The following ITGB5 variants were observed in gnomAD, a reference collection of about 807,000 sequenced individuals.
ITGB5 encodes integrin subunit beta 5.
A neutral mutation model predicts 84.8 loss-of-function variants in ITGB5; 38 were observed. The observed-to-expected ratio is 0.45, with a 90% CI of 0.35 to 0.59. ITGB5 has a LOEUF of 0.59. ITGB5 is among the 20% of genes least tolerant of loss of function. The pLI is 0.01. For missense variants in ITGB5, 905 were observed against 1,034.5 expected, an observed-to-expected ratio of 0.87 and a Z score of 1.72; for synonymous variants, 393 against 414.4, an observed-to-expected ratio of 0.95 and a Z score of 0.63.
intron 12 of ITGB5, 34 bp downstream of exon 12, chr3:124,768,979 A>T: frequency 6.4e-7 from 1 of 1,560,210 alleles, no homozygotes; most frequent in Non-Finnish European, 8.8e-7. Context: ...AAGGAGAAAA[A>T]CCGTGACTGC....
intron 8 of ITGB5, among the ~76,000 whole-genome samples, chr3:124,816,640 G>A (rs961313924): frequency 2.0e-5 from 3 of 152,134 alleles, no homozygotes; most frequent in Non-Finnish European, 2.9e-5. Context: ...CAAGAGCTCT[G>A]CCTGCCGTTT....
chr3:124,799,055 C>T (rs374595244), intron 9 of ITGB5, among the ~76,000 whole-genome samples: 4 of 151,978 alleles, frequency 2.6e-5, no homozygotes, highest in South Asian at 4.2e-4. Flanking sequence ...AGAAGACACT[C>T]GGGGGACCAG....
intron 4 of ITGB5, among the ~76,000 whole-genome samples, chr3:124,842,877 C>T (rs2065028941): frequency 6.6e-6 from 1 of 152,188 alleles, no homozygotes; most frequent in Non-Finnish European, 1.5e-5. Flanking sequence ...TCCATTCCCT[C>T]TCAGGGCTAC....
intron 2 of ITGB5, among the ~76,000 whole-genome samples, chr3:124,873,082 A>G (rs1934134328): frequency 1.3e-5 from 2 of 152,238 alleles, no homozygotes; most frequent in Non-Finnish European, 2.9e-5. Context: ...CATGCCAGCC[A>G]TCTAGATATG....
intron 5 of ITGB5, 106 bp from the exon 6 acceptor site, chr3:124,821,580 A>G: frequency 2.4e-6 from 3 of 1,240,758 alleles, no homozygotes; most frequent in Admixed American, 1.8e-5. Context: ...AATCAGAGGC[A>G]TTCCCCTTGC....
At position 124,762,644 on chromosome 3, in the gene ITGB5, A is replaced by T. The variant is rs1664799259; in HGVS notation, c.*979T>A. ...GAGATGACTTCGTGTGGGAACCACCACTCAACCCTTGCTTGTCTGTACAAT... is the reference window on the plus strand; with the variant it reads ...GAGATGACTTCGTGTGGGAACCACCTCTCAACCCTTGCTTGTCTGTACAAT... On this transcript the variant is annotated 3_prime_UTR_variant, in exon 15 of 15. Coordinates refer to ENST00000296181, the MANE Select transcript of ITGB5 (RefSeq NM_002213.5). The T allele has an allele frequency of 6.6e-6, 1 of 152,100 alleles. No individual in the cohort carries two copies. The highest frequency in any genetic ancestry group is 1.5e-5 in the Non-Finnish European group (1 of 68,030). The allele number at this position is 152,100 out of a possible 1,614,324, so 9.4% of individuals were successfully genotyped here.
chr3:124,787,215 G>A (rs930062689), intron 10 of ITGB5, among the ~76,000 whole-genome samples: 2 of 152,136 alleles, frequency 1.3e-5, no homozygotes, highest in African/African-American at 2.4e-5. Context: ...GGAGTGGGAC[G>A]GTGAGGGGAG....
At chr3:124,840,957 C>A (rs1478588545) in intron 5 of ITGB5, among the ~76,000 whole-genome samples, 2 of 152,228 alleles carry the variant, frequency 1.3e-5, no homozygotes, top group Non-Finnish European at 2.9e-5. Flanking sequence ...AGCCACCACG[C>A]CCGGCCTCAC....
intron 5 of ITGB5, among the ~76,000 whole-genome samples, chr3:124,828,154 G>A (rs115754498): frequency 0.029 from 4,464 of 152,226 alleles, 98 homozygotes; most frequent in South Asian, 0.043. Flanking sequence ...AAAAGTTAAA[G>A]ACCTACCATA....
At chr3:124,830,289 G>T (rs3851349) in intron 5 of ITGB5, among the ~76,000 whole-genome samples, 129,974 of 152,198 alleles carry the variant, frequency 0.85, 55,635 homozygotes, top group East Asian at 0.92. Flanking sequence ...CCCTGGTCTC[G>T]GTCCCACCTG....
At chr3:124,799,309 G>A (rs2064280879) in intron 9 of ITGB5, among the ~76,000 whole-genome samples, 1 of 152,188 alleles carries the variant, frequency 6.6e-6, no homozygotes, top group African/African-American at 2.4e-5. Flanking sequence ...CAGCCCTTTG[G>A]GAGGCTGAGG....
chr3:124,772,781 ATC>A (rs1029730098), intron 11 of ITGB5, among the ~76,000 whole-genome samples: 7 of 152,092 alleles, frequency 4.6e-5, no homozygotes, highest in African/African-American at 1.7e-4. Context: ...GGTCTAGACA[ATC>A]TCTGCATTCA....
intron 1 of ITGB5, among the ~76,000 whole-genome samples, chr3:124,900,309 A>G (rs1390864130): frequency 6.6e-6 from 1 of 152,176 alleles, no homozygotes; most frequent in Admixed American, 6.5e-5. Context: ...TGAAAACAGT[A>G]CCTACTTCAT....
At chr3:124,784,090 T>C (rs2064045404) in intron 10 of ITGB5, among the ~76,000 whole-genome samples, 1 of 152,206 alleles carries the variant, frequency 6.6e-6, no homozygotes, top group Non-Finnish European at 1.5e-5. Context: ...AAGCCAAGGT[T>C]CTCCAAACCT....
At chr3:124,891,355 TA>T (rs1388873523), upstream of ITGB5, among the ~76,000 whole-genome samples, 1 of 152,156 alleles carries the variant, frequency 6.6e-6, no homozygotes, top group Middle Eastern at 3.2e-3. Context: ...CAGGATGTAG[TA>T]GGTACTTATA....
intron 5 of ITGB5, among the ~76,000 whole-genome samples, chr3:124,838,938 G>A (rs780742783): frequency 6.6e-6 from 1 of 152,152 alleles, no homozygotes; most frequent in African/African-American, 2.4e-5. Flanking sequence ...TGACTGTTGC[G>A]TAGTCTTTCA....
chr3:124,822,928 G>A (rs777073195), intron 5 of ITGB5, among the ~76,000 whole-genome samples: 3 of 152,092 alleles, frequency 2.0e-5, no homozygotes, highest in Admixed American at 6.5e-5. Context: ...CAGCGCAGAC[G>A]AAACTTAAAC....
chr3:124,857,549 A>T (rs1016991749), intron 3 of ITGB5, among the ~76,000 whole-genome samples: 26 of 152,200 alleles, frequency 1.7e-4, no homozygotes, highest in Non-Finnish European at 3.7e-4. Flanking sequence ...TAAATAAACC[A>T]TCTACAAATA....
chr3:124,876,801 A>C (rs2107644770), intron 1 of ITGB5, among the ~76,000 whole-genome samples: 1 of 152,284 alleles, frequency 6.6e-6, no homozygotes, highest in Admixed American at 6.5e-5. Flanking sequence ...GCCTGACCTC[A>C]CTTCAGCAGG....
Sources: allele counts gnomAD v4.1 joint callset (sites outside exome capture counted in the v4.1 genomes callset), GRCh38; gene constraint gnomAD v4.1.1; transcripts MANE v1.5; gene names NCBI Gene and HGNC (gene_info 2026-07-23, HGNC 2026-07-21).